The following ZDHHC5 variants were observed in gnomAD, a reference collection of about 807,000 sequenced individuals.
ZDHHC5 encodes the protein palmitoyltransferase ZDHHC5.
A neutral mutation model predicts 70.0 loss-of-function variants in ZDHHC5; 22 were observed. That is an observed-to-expected ratio of 0.31 (90% confidence interval 0.22 to 0.45). The LOEUF (loss-of-function observed/expected upper bound fraction) is 0.45, where lower values mean the gene tolerates loss of function less well. Ranked by LOEUF, ZDHHC5 falls within the 20% of genes least tolerant of loss-of-function variation. ZDHHC5 has a pLI of 1.00. For missense variants in ZDHHC5, 746 were observed against 926.9 expected, an observed-to-expected ratio of 0.80 and a Z score of 2.53; for synonymous variants, 313 against 347.8, an observed-to-expected ratio of 0.90 and a Z score of 1.11.
chr11:57,697,138 G>A (rs1332983042), intron 10 of ZDHHC5, among the ~76,000 whole-genome samples: 1 of 151,780 alleles, frequency 6.6e-6, no homozygotes, highest in Admixed American at 6.6e-5. Flanking sequence ...AGACCAGCCT[G>A]GCTAATGTGG....
chr11:57,698,928 A>G lies in ZDHHC5; in HGVS notation c.1492A>G (p.Thr498Ala), dbSNP rs755618812. The part of the protein sequence containing the change: ...GPEPDPPLGY[T>A]SPFLSARLAQ... ...TGAGCCAGACCCACCTTTAGGCTAT[A>G]CCTCTCCCTTCCTGTCAGCCAGGCT... The change falls in exon 11 of 12, where the codon ACC becomes GCC. Residue 498 changes from threonine (T) to alanine (A), a missense_variant. This residue lies in a region of ZDHHC5 where 340 missense variants were observed against 350.1 expected (regional missense o/e 0.97). Coordinates refer to ENST00000287169, the MANE Select transcript of ZDHHC5 (RefSeq NM_015457.3). The G allele has an allele frequency of 4.6e-5, 74 of 1,613,612 alleles. 1 individual carries two copies. In the South Asian group the frequency reaches 7.9e-4, roughly 17 times the overall value.
At chr11:57,699,717 T>A (rs1946414802) in intron 11 of ZDHHC5, 149 bp from the exon 12 acceptor site, 2 of 1,121,792 alleles carry the variant, frequency 1.8e-6, no homozygotes, top group Admixed American at 4.1e-5. Context: ...AGGCTTATTT[T>A]AAGCAGGGCA....
At position 57,672,083 on chromosome 11, in the gene ZDHHC5, A is replaced by G. The variant is rs923810319; in HGVS notation, c.-1008A>G. On this transcript the variant is annotated 5_prime_UTR_variant, in exon 2 of 12. Transcript: ENST00000287169. ...AAGCTGAAGACTGAAGAAAGATAAG[A>G]GACATTGACTAGTCTGGAAACAGGG... 4 of 393,870 alleles carry G rather than the reference A, an allele frequency of 1.0e-5. No individual in the cohort carries two copies. The highest frequency in any genetic ancestry group is 1.8e-5 in the Non-Finnish European group (4 of 223,602). 24.4% of individuals were successfully genotyped at this position (393,870 alleles called of 1,614,324 possible).
At chr11:57,683,059 T>C (rs1035544958) in intron 3 of ZDHHC5, among the ~76,000 whole-genome samples, 17 of 152,082 alleles carry the variant, frequency 1.1e-4, no homozygotes, top group Non-Finnish European at 2.2e-4. Flanking sequence ...CCAAGTAGAA[T>C]ATAGGAGGGA....
At chr11:57,679,463 C>G (rs1946119269) in intron 2 of ZDHHC5, among the ~76,000 whole-genome samples, 1 of 152,124 alleles carries the variant, frequency 6.6e-6, no homozygotes, top group Non-Finnish European at 1.5e-5. Context: ...TACCTGGCCC[C>G]ACTCTGCCAA....
At chr11:57,679,213 G>A (rs913133673) in intron 2 of ZDHHC5, among the ~76,000 whole-genome samples, 35 of 152,026 alleles carry the variant, frequency 2.3e-4, no homozygotes, top group African/African-American at 8.5e-4. Context: ...CCAGGCTGTC[G>A]TGAAGTGGCG....
intron 2 of ZDHHC5, among the ~76,000 whole-genome samples, chr11:57,682,054 A>G (rs1299047560): frequency 6.6e-6 from 1 of 152,210 alleles, no homozygotes; most frequent in East Asian, 1.9e-4. Context: ...TGCTCCAGAG[A>G]AGGGAGTGTA....
intron 3 of ZDHHC5, among the ~76,000 whole-genome samples, chr11:57,684,436 T>C (rs1946185657): frequency 6.6e-6 from 1 of 151,980 alleles, no homozygotes; most frequent in African/African-American, 2.4e-5. Flanking sequence ...ATACAAAAAA[T>C]TAGCCGGGTG....
intron 10 of ZDHHC5, among the ~76,000 whole-genome samples, chr11:57,697,473 T>A (rs11600169): frequency 0.27 from 39,915 of 146,406 alleles, 5,889 homozygotes; most frequent in Non-Finnish European, 0.35. Context: ...AAAAAAAAAA[T>A]AAATAAATAA....
intron 2 of ZDHHC5, chr11:57,681,605 G>T (rs1398987367): frequency 6.6e-6 from 1 of 152,184 alleles, no homozygotes. Flanking sequence ...AATCCTGAAA[G>T]AAACTGAGTT....
At chr11:57,677,145 TCTC>T (rs1246753871) in intron 2 of ZDHHC5, among the ~76,000 whole-genome samples, 1 of 151,420 alleles carries the variant, frequency 6.6e-6, no homozygotes, top group Non-Finnish European at 1.5e-5. Context: ...ATGGTCGTGA[TCTC>T]CTGGCCTCGT....
intron 2 of ZDHHC5, among the ~76,000 whole-genome samples, chr11:57,674,316 G>GTTTTT (rs34645509): frequency 2.8e-5 from 4 of 140,932 alleles, no homozygotes; most frequent in Non-Finnish European, 4.6e-5. Context: ...TTTTTCCTCA[G>GTTTTT]TTTTTTTTTT....
At position 57,699,241 on chromosome 11, in the gene ZDHHC5, G is replaced by A. The variant is rs776556271; in HGVS notation, c.1805G>A (p.Arg602His). The change falls in exon 11 of 12, where the codon CGC (arginine) becomes CAC (histidine). Residue 602 changes from arginine to histidine, a missense_variant. Transcript: ENST00000287169. ...RSPLGKTPLG[R>H]PAVPRFGKPD... ...CCTTTGGGCAAGACTCCACTGGGAC[G>A]CCCAGCTGTCCCCCGTTTTGGCAAG... 12 of 1,614,218 alleles carry A rather than the reference G, an allele frequency of 7.4e-6. No homozygotes were observed. The highest frequency in any genetic ancestry group is 7.6e-6 in the Non-Finnish European group (9 of 1,180,046).
At chr11:57,676,909 ATTTTTTT>A (rs72474322) in intron 2 of ZDHHC5, among the ~76,000 whole-genome samples, 41 of 80,984 alleles carry the variant, frequency 5.1e-4, no homozygotes, top group African/African-American at 1.7e-3. Context: ...GCTTCACGTG[ATTTTTTT>A]TTTTTTTTTT....
chr11:57,695,402 T>C (rs892569458), intron 8 of ZDHHC5, among the ~76,000 whole-genome samples: 3 of 151,630 alleles, frequency 2.0e-5, no homozygotes, highest in Non-Finnish European at 2.9e-5. Context: ...CCTGGGTGAC[T>C]GAGCAAGACT....
At chr11:57,679,920 C>G (rs1034425473) in intron 2 of ZDHHC5, among the ~76,000 whole-genome samples, 7 of 152,122 alleles carry the variant, frequency 4.6e-5, no homozygotes, top group African/African-American at 1.7e-4. Flanking sequence ...TGCATCATTT[C>G]TAGATTCTGG....
Position 57,673,174 on chromosome 11 carries a change from G to A in ZDHHC5, c.84G>A (p.Thr28=), listed in dbSNP as rs757140213. The A allele has an allele frequency of 1.7e-5, 27 of 1,613,740 alleles. No individual in the cohort carries two copies. The highest frequency in any genetic ancestry group is 3.3e-4 in the Middle Eastern group (2 of 6,080). The change falls in exon 2 of 12, where the codon ACG becomes ACA. Residue 28 remains threonine (T), a synonymous_variant. Coordinates refer to ENST00000287169, the MANE Select transcript of ZDHHC5 (RefSeq NM_015457.3). ...CCGCCATCTTCCTAGTGGGAGCTAC[G>A]ACACTCTTCTTTGCCTTTACGTGAG... ...SAAAIFLVGA[T]TLFFAFTCPG...
At chr11:57,686,833 GTTT>G (rs57661352) in intron 3 of ZDHHC5, among the ~76,000 whole-genome samples, 1 of 142,448 alleles carries the variant, frequency 7.0e-6, no homozygotes, top group Non-Finnish European at 1.5e-5. Context: ...GTGTGTGTGT[GTTT>G]TTTTTTTTTT....
At chr11:57,671,591 T>TG (rs1946007137) in intron 1 of ZDHHC5, among the ~76,000 whole-genome samples, 1 of 152,194 alleles carries the variant, frequency 6.6e-6, no homozygotes, top group African/African-American at 2.4e-5. Context: ...AAATGAGACT[T>TG]GCTTTCCTAA....
Sources: gnomAD v4.1 joint callset for allele counts (sites outside exome capture counted in the v4.1 genomes callset) on GRCh38, gnomAD v4.1.1 for gene constraint, gnomAD v4.1.1 regional missense constraint, MANE v1.5 for transcripts, NCBI Gene and HGNC (gene_info 2026-07-23, HGNC 2026-07-21) for gene names.